TJP1: variants seen among roughly 807,000 people sequenced by gnomAD.
TJP1 encodes the protein tight junction protein 1.
In TJP1, 43 loss-of-function variants were observed where a neutral mutation model predicts 194.2. That is an observed-to-expected ratio of 0.22 (90% CI 0.17 to 0.29). The LOEUF is 0.29. Among genes scored for constraint, TJP1 ranks in the 10% least tolerant of loss-of-function variants. TJP1 has a pLI of 1.00. For synonymous variants in TJP1, 801 were observed against 779.0 expected, an observed-to-expected ratio of 1.03 and a Z score of -0.47; for missense variants, 1,971 against 2,185.7, an observed-to-expected ratio of 0.90 and a Z score of 1.96.
At chr15:29,968,464 A>G in intron 1 of TJP1, 1 of 957,222 alleles carries the variant, frequency 1.0e-6, no homozygotes, top group East Asian at 1.2e-4. Context: ...GTCAGCGGGC[A>G]CGCGGTACAA....
intron 2 of TJP1, among the ~76,000 whole-genome samples, chr15:29,937,445 C>T (rs192549584): frequency 2.6e-4 from 40 of 152,116 alleles, no homozygotes; most frequent in Middle Eastern, 3.4e-3. Flanking sequence ...GAAAAAATAG[C>T]AGTAAATTTA....
chr15:29,815,903 A>G (rs1303725510), intron 1 of TJP1, among the ~76,000 whole-genome samples: 2 of 152,206 alleles, frequency 1.3e-5, no homozygotes, highest in African/African-American at 4.8e-5. Context: ...AAGGGAGTGG[A>G]ACTACTGTAC....
chr15:29,962,455 C>A (rs1468703197), intron 1 of TJP1, among the ~76,000 whole-genome samples: 2 of 152,232 alleles, frequency 1.3e-5, no homozygotes, highest in Non-Finnish European at 2.9e-5. Flanking sequence ...AGCAGTCACA[C>A]AAGGACAAAT....
chr15:29,891,493 G>A (rs1394043618), intron 2 of TJP1, among the ~76,000 whole-genome samples: 2 of 152,118 alleles, frequency 1.3e-5, no homozygotes, highest in Admixed American at 6.5e-5. Context: ...TCACCTTATT[G>A]CACTTTGCAG....
At chr15:29,747,977 T>C (rs2044922368) in intron 8 of TJP1, among the ~76,000 whole-genome samples, 1 of 152,216 alleles carries the variant, frequency 6.6e-6, no homozygotes, top group African/African-American at 2.4e-5. Context: ...TTCTATTCAA[T>C]TTTTCATACA....
rs868546779 is a variant in TJP1 at position 29,833,875 on chromosome 15, A to T, written c.307-33173T>A. 3.8e-3 allele frequency among the ~76,000 whole-genome samples: 63 copies of T among 16,552 alleles called. 1 individual carries two copies. The highest frequency in any genetic ancestry group is 0.022 in the East Asian group (3 of 136). 10.9% of individuals were successfully genotyped at this position (16,552 alleles called of 152,430 possible). The stretch of plus-strand genomic sequence containing the variant: ...TTTGTAAGTATATATATATATATAT[A>T]TATATATTTTTTTTTTTTTTTTTTT... On this transcript the variant is annotated intron_variant, in intron 2 of 28. Transcript: ENST00000356107.
chr15:29,821,016 T>G (rs2050298091), intron 1 of TJP1, among the ~76,000 whole-genome samples: 1 of 152,208 alleles, frequency 6.6e-6, no homozygotes, highest in Admixed American at 6.5e-5. Flanking sequence ...CCTGCCCAAG[T>G]ATCTCGATAC....
intron 2 of TJP1, among the ~76,000 whole-genome samples, chr15:29,833,881 ATTTTTTTT>A (rs10650949): frequency 2.4e-4 from 3 of 12,618 alleles, no homozygotes; most frequent in African/African-American, 9.0e-4. Context: ...ATATATATAT[ATTTTTTTT>A]TTTTTTTTTT....
chr15:29,792,116 A>G (rs2048134325), intron 2 of TJP1, among the ~76,000 whole-genome samples: 1 of 151,980 alleles, frequency 6.6e-6, no homozygotes, highest in South Asian at 2.1e-4. Context: ...AGCAGCTTTG[A>G]GCTTGATGTG....
At chr15:29,791,413 CTTTTTTTTTTTTT>C (rs34201715) in intron 2 of TJP1, among the ~76,000 whole-genome samples, 8 of 51,204 alleles carry the variant, frequency 1.6e-4, no homozygotes, top group African/African-American at 4.8e-4. Flanking sequence ...CCATAATATT[CTTTTTTTTTTTTT>C]TTTTTTTTTT....
intron 2 of TJP1, among the ~76,000 whole-genome samples, chr15:29,906,956 A>G (rs1036272071): frequency 2.0e-5 from 3 of 152,184 alleles, no homozygotes; most frequent in Admixed American, 1.3e-4. Flanking sequence ...ATATAAAAAT[A>G]TAAACTACAG....
At chr15:29,810,307 T>A (rs1416900382) in intron 1 of TJP1, among the ~76,000 whole-genome samples, 2 of 152,176 alleles carry the variant, frequency 1.3e-5, no homozygotes, top group Non-Finnish European at 2.9e-5. Flanking sequence ...ATTCCCCACA[T>A]CCACTTTTCT....
At chr15:29,930,932 A>G (rs539721799) in intron 2 of TJP1, among the ~76,000 whole-genome samples, 1 of 152,312 alleles carries the variant, frequency 6.6e-6, no homozygotes, top group East Asian at 1.9e-4. Context: ...ATAAAAATAT[A>G]CAGCTGACAC....
rs117156741 is a variant in TJP1 at position 29,917,892 on chromosome 15, A to G, written c.306+38340T>C. On this transcript the variant is annotated intron_variant, in intron 2 of 28. Transcript: ENST00000356107. ...AATAAACAGTTCAGCGACATTAAGT[A>G]TACTCACATTGTTGTGCAACCGTCA... is the stretch of plus-strand genomic sequence containing the variant. 2.8e-4 allele frequency among the ~76,000 whole-genome samples: 42 copies of G among 152,320 alleles called. No individual in the cohort carries two copies. In the East Asian group the frequency reaches 7.9e-3, roughly 29 times the overall value.
intron 1 of TJP1, among the ~76,000 whole-genome samples, chr15:29,809,663 G>A (rs1257077487): frequency 2.0e-5 from 3 of 152,064 alleles, no homozygotes; most frequent in East Asian, 3.9e-4. Flanking sequence ...TGGCCAACAC[G>A]GTGAAACCCC....
At chr15:29,789,836 G>A (rs934977941) in intron 2 of TJP1, among the ~76,000 whole-genome samples, 7 of 152,174 alleles carry the variant, frequency 4.6e-5, no homozygotes, top group African/African-American at 1.7e-4. Context: ...AAGCCCACTT[G>A]CTCACCTCAG....
intron 2 of TJP1, among the ~76,000 whole-genome samples, chr15:29,942,191 T>C (rs534882371): frequency 6.6e-6 from 1 of 152,352 alleles, no homozygotes; most frequent in African/African-American, 2.4e-5. Context: ...TCAGTTCTGA[T>C]GAATAAAATT....
At position 29,822,132 on chromosome 15, in the gene TJP1, C is replaced by G; in HGVS notation, c.-104G>C. 2 of 1,198,902 alleles carry G rather than the reference C, an allele frequency of 1.7e-6. No homozygotes were observed. The highest frequency in any genetic ancestry group is 4.4e-5 in the Admixed American group (1 of 22,492). The allele number at this position is 1,198,902 out of a possible 1,614,324, so 74.3% of individuals were successfully genotyped here. ...AGCCCAAATAAACATCTCCCGAGAG[C>G]GAGCGGGGCACGGGCGGGGGCGGCC... On this transcript the variant is annotated 5_prime_UTR_variant, in exon 1 of 28. Transcript: ENST00000614355.
intron 2 of TJP1, among the ~76,000 whole-genome samples, chr15:29,934,494 A>T (rs2054821787): frequency 1.3e-5 from 2 of 152,146 alleles, no homozygotes; most frequent in South Asian, 4.1e-4. Context: ...TGTCACTGTG[A>T]TCTTCCCAAT....
Sources: allele counts gnomAD v4.1 joint callset (sites outside exome capture counted in the v4.1 genomes callset), GRCh38; gene constraint gnomAD v4.1.1; transcripts MANE v1.5; gene names NCBI Gene and HGNC (gene_info 2026-07-23, HGNC 2026-07-21).